The following PPP2R2A variants were observed in gnomAD, a reference collection of about 807,000 sequenced individuals.
PPP2R2A encodes protein phosphatase 2 regulatory subunit Balpha.
A neutral mutation model predicts 53.2 loss-of-function variants in PPP2R2A; 9 were observed. That is an observed-to-expected ratio of 0.17 (90% confidence interval 0.10 to 0.30). PPP2R2A has a LOEUF of 0.30. PPP2R2A is among the 10% of genes least tolerant of loss of function. The pLI, the probability that PPP2R2A is intolerant of heterozygous loss-of-function variation, is 1.00. For missense variants in PPP2R2A, 235 were observed against 534.6 expected (o/e 0.44, Z 5.53); for synonymous variants, 169 against 174.2 (o/e 0.97, Z 0.23).
At chr8:26,333,955 A>G (rs1011822990) in intron 2 of PPP2R2A, among the ~76,000 whole-genome samples, 1 of 152,180 alleles carries the variant, frequency 6.6e-6, no homozygotes, top group East Asian at 1.9e-4. Flanking sequence ...TAAATTACCA[A>G]TCCCTTGGTT....
chr8:26,359,340 A>C lies in PPP2R2A; in HGVS notation c.347-829A>C, dbSNP rs184932359. On this transcript the variant is annotated intron_variant, in intron 4 of 9. Coordinates refer to ENST00000380737, the MANE Select transcript of PPP2R2A (RefSeq NM_002717.4). The stretch of plus-strand genomic sequence containing the variant: ...GTGGAAAACCTGGTTAAATCTCCAA[A>C]TGCAGTCTGTAGTTAATAGTAATAT... 2.0e-5 allele frequency among the ~76,000 whole-genome samples: 3 copies of C among 152,314 alleles called. No individual in the cohort carries two copies. In the East Asian group the frequency reaches 5.8e-4, roughly 29 times the overall value.
Position 26,354,587 on chromosome 8 carries a change from G to A in PPP2R2A, c.300G>A (p.Arg100=), listed in dbSNP as rs750057344. The A allele has an allele frequency of 4.3e-6, 7 of 1,609,666 alleles. No homozygotes were observed. The highest frequency in any genetic ancestry group is 5.9e-6 in the Non-Finnish European group (7 of 1,177,738). The change falls in exon 4 of 10, where the codon AGG becomes AGA. Residue 100 remains arginine (R), a synonymous_variant. Transcript: ENST00000380737. The surrounding 1 kb of genome is among the most constrained non-coding windows in gnomAD (Gnocchi z 4.6). The stretch of plus-strand genomic sequence containing the variant: ...TAGAAGAAAAGATCAACAAAATTAG[G>A]TGGTTACCCCAGAAAAATGCTGCTC... ...LEIEEKINKI[R]WLPQKNAAQF...
chr8:26,344,930 A>AT (rs1183497516), intron 3 of PPP2R2A, among the ~76,000 whole-genome samples: 1 of 152,180 alleles, frequency 6.6e-6, no homozygotes, highest in Non-Finnish European at 1.5e-5. Flanking sequence ...ATAATGAGAT[A>AT]TATTGGGGAT....
intron 8 of PPP2R2A, chr8:26,365,181 G>C (rs1397644247): frequency 2.0e-5 from 3 of 152,154 alleles, no homozygotes; most frequent in African/African-American, 7.2e-5. Context: ...TAAACAGTTG[G>C]AGTAGTGATT....
chr8:26,299,144 T>C (rs530018093), intron 2 of PPP2R2A, among the ~76,000 whole-genome samples: 6 of 152,186 alleles, frequency 3.9e-5, no homozygotes, highest in South Asian at 2.1e-4. Context: ...CATGGCAGTG[T>C]GCAACTGTAG....
intron 3 of PPP2R2A, among the ~76,000 whole-genome samples, chr8:26,352,646 A>G (rs1804577532): frequency 6.6e-6 from 1 of 152,230 alleles, no homozygotes; most frequent in African/African-American, 2.4e-5. Context: ...AGCTTCTTGC[A>G]GTCCACGAAA....
At chr8:26,295,702 G>A (rs1801512396) in intron 2 of PPP2R2A, among the ~76,000 whole-genome samples, 1 of 152,118 alleles carries the variant, frequency 6.6e-6, no homozygotes, top group Middle Eastern at 3.2e-3. Flanking sequence ...ATACATTTTA[G>A]TAAGATAACA....
intron 2 of PPP2R2A, chr8:26,298,683 A>G (rs770554129): frequency 6.6e-6 from 1 of 152,226 alleles, no homozygotes; most frequent in African/African-American, 2.4e-5. Flanking sequence ...GGAACATTAC[A>G]GAAAGTATGT....
chr8:26,334,339 G>T (rs1202589323), intron 2 of PPP2R2A, among the ~76,000 whole-genome samples: 1 of 152,058 alleles, frequency 6.6e-6, no homozygotes, highest in African/African-American at 2.4e-5. Flanking sequence ...GCACAAATTC[G>T]GTATGATAGC....
chr8:26,302,604 T>C (rs926123755), intron 2 of PPP2R2A, among the ~76,000 whole-genome samples: 1 of 152,238 alleles, frequency 6.6e-6, no homozygotes, highest in African/African-American at 2.4e-5. Flanking sequence ...GTATCAAAGG[T>C]ATATCCATAA....
intron 9 of PPP2R2A, among the ~76,000 whole-genome samples, chr8:26,369,383 C>T (rs1278520951): frequency 6.6e-6 from 1 of 150,702 alleles, no homozygotes; most frequent in Non-Finnish European, 1.5e-5. Context: ...CGTGCCACTA[C>T]ACCCAGCTAA....
chr8:26,318,588 T>C (rs1219123700), intron 2 of PPP2R2A, among the ~76,000 whole-genome samples: 1 of 152,248 alleles, frequency 6.6e-6, no homozygotes, highest in Non-Finnish European at 1.5e-5. Context: ...ATTGAAATAC[T>C]CTGTAGTGAA....
intron 2 of PPP2R2A, among the ~76,000 whole-genome samples, chr8:26,317,922 A>G (rs973435683): frequency 2.6e-5 from 4 of 152,212 alleles, no homozygotes; most frequent in East Asian, 1.9e-4. Flanking sequence ...TCTGTGTTCT[A>G]TCTAGCCCAT....
chr8:26,344,687 A>C (rs1345879377), intron 3 of PPP2R2A, among the ~76,000 whole-genome samples: 5 of 152,166 alleles, frequency 3.3e-5, no homozygotes, highest in African/African-American at 4.8e-5. Context: ...CTTGTCAGCT[A>C]CCTGTTAATC....
intron 2 of PPP2R2A, among the ~76,000 whole-genome samples, chr8:26,317,643 C>T (rs77553821): frequency 0.012 from 1,802 of 152,296 alleles, 14 homozygotes; most frequent in Non-Finnish European, 0.017. Flanking sequence ...AGTAGCACTT[C>T]CCAGTTTTTT....
chr8:26,332,181 C>T (rs1209589476), intron 2 of PPP2R2A, among the ~76,000 whole-genome samples: 1 of 151,902 alleles, frequency 6.6e-6, no homozygotes, highest in Non-Finnish European at 1.5e-5. Flanking sequence ...TATTGAAAGC[C>T]TGTCTCTACT....
At chr8:26,366,467 T>A in intron 9 of PPP2R2A, 61 bp downstream of exon 9, 1 of 1,312,458 alleles carries the variant, frequency 7.6e-7, no homozygotes, top group Non-Finnish European at 1.1e-6. Context: ...ACTATTTCAT[T>A]CCAGGTCCTA....
At chr8:26,316,573 G>C (rs1802566817) in intron 2 of PPP2R2A, among the ~76,000 whole-genome samples, 1 of 152,148 alleles carries the variant, frequency 6.6e-6, no homozygotes, top group Admixed American at 6.5e-5. Context: ...GAAGACATTT[G>C]TCAAAGACCT....
intron 2 of PPP2R2A, among the ~76,000 whole-genome samples, chr8:26,298,343 G>A (rs1019302708): frequency 6.6e-6 from 1 of 152,150 alleles, no homozygotes; most frequent in Non-Finnish European, 1.5e-5. Context: ...CAACTCTTCC[G>A]CTGGGTTCCT....
Sources: gnomAD v4.1 joint callset for allele counts (sites outside exome capture counted in the v4.1 genomes callset) on GRCh38, gnomAD v4.1.1 for gene constraint, Gnocchi (gnomAD v3.1) non-coding constraint, MANE v1.5 for transcripts, NCBI Gene and HGNC (gene_info 2026-07-23, HGNC 2026-07-21) for gene names.